Variants in CRIM1 observed in about 807,000 individuals in gnomAD.
CRIM1 encodes the protein cysteine rich transmembrane BMP regulator 1, also known as cysteine-rich motor neuron 1 protein.
CRIM1 carries 32 observed loss-of-function variants against 116.4 expected under a neutral mutation model. That is an observed-to-expected ratio of 0.27 (90% CI 0.21 to 0.37). The LOEUF is 0.37. CRIM1 is among the 10% of genes least tolerant of loss of function. CRIM1 has a pLI of 1.00. For synonymous variants in CRIM1, 590 were observed against 509.2 expected, an observed-to-expected ratio of 1.16 and a Z score of -2.13; for missense variants, 1,331 against 1,354.8, an observed-to-expected ratio of 0.98 and a Z score of 0.28.
chr2:36,480,695 C>A (rs1679342873), intron 7 of CRIM1, among the ~76,000 whole-genome samples: 1 of 152,100 alleles, frequency 6.6e-6, no homozygotes, highest in South Asian at 2.1e-4. Context: ...TATTAAAGAC[C>A]TTAAAAATCA....
chr2:36,440,050 A>G (rs60388211), intron 2 of CRIM1, among the ~76,000 whole-genome samples: 1,933 of 152,298 alleles, frequency 0.013, 41 homozygotes, highest in African/African-American at 0.045. Flanking sequence ...AGATACAGCA[A>G]TCAAGGTAGA....
chr2:36,544,449 TC>T lies in CRIM1; in HGVS notation c.2701del (p.Leu901CysfsTer22). The T allele has an allele frequency of 7.0e-7, 1 of 1,424,618 alleles. No individual in the cohort carries two copies. The highest frequency in any genetic ancestry group is 9.2e-7 in the Non-Finnish European group (1 of 1,082,104). 88.2% of individuals were successfully genotyped at this position (1,424,618 alleles called of 1,614,324 possible). Reference sequence around the variant, plus strand: ...ATCGAGGAGAGGTTGACCTGGAGGTTCCCCTGTGGCCCACGCCTAGTGAAAA... The same window carrying T: ...ATCGAGGAGAGGTTGACCTGGAGGTTCCCTGTGGCCCACGCCTAGTGAAAA... ...NHRGEVDLEV[P>X]LWPTPSENDI... is the part of the protein sequence containing the mutation. On this transcript the variant is annotated frameshift_variant, in exon 15 of 17. Coordinates refer to ENST00000280527, the MANE Select transcript of CRIM1 (RefSeq NM_016441.3). LOFTEE classifies it high-confidence loss of function.
chr2:36,522,352 T>C, intron 13 of CRIM1, 39 bp downstream of exon 13: 1 of 1,475,596 alleles, frequency 6.8e-7, no homozygotes, highest in Non-Finnish European at 9.5e-7. Context: ...TCTCTACCAG[T>C]TGTCACTAAA....
At chr2:36,498,966 T>C (rs1680794925) in intron 7 of CRIM1, among the ~76,000 whole-genome samples, 1 of 152,150 alleles carries the variant, frequency 6.6e-6, no homozygotes, top group African/African-American at 2.4e-5. Context: ...CAGAGAAGAA[T>C]TGTGTGAAGG....
At position 36,476,941 on chromosome 2, in the gene CRIM1, G is replaced by A. The variant is rs758420612; in HGVS notation, c.1044G>A (p.Met348Ile). Residue 348 changes from methionine (M) to isoleucine (I), a missense_variant, in exon 6 of 17, where the codon ATG (methionine) becomes ATA (isoleucine). Physicochemically the swap from Met to Ile is conservative, Grantham distance 10. Transcript: ENST00000280527. The stretch of plus-strand genomic sequence containing the variant: ...ATGTGGAATATTATGATGGAGACAT[G>A]TTTCGAATGGACAACTGTCGGTTCT... ...FNNVEYYDGDMFRMDNCRFCR... is the reference protein window; with the variant it reads ...FNNVEYYDGDIFRMDNCRFCR... 3.7e-6 allele frequency: 6 copies of A among 1,614,128 alleles called. No homozygotes were observed. Among genetic ancestry groups the A allele is most frequent in the Non-Finnish European group, 5.1e-6 (6 of 1,179,966 alleles).
At chr2:36,491,200 C>G (rs7599443) in intron 7 of CRIM1, among the ~76,000 whole-genome samples, 66 of 152,200 alleles carry the variant, frequency 4.3e-4, no homozygotes, top group African/African-American at 1.3e-3. Flanking sequence ...TATAGGAGGC[C>G]TTCTATAATG....
chr2:36,515,991 A>G (rs1287686410), intron 11 of CRIM1, among the ~76,000 whole-genome samples: 1 of 152,206 alleles, frequency 6.6e-6, no homozygotes, highest in Non-Finnish European at 1.5e-5. Context: ...TCTTGTTCTT[A>G]TACTGGAAAG....
intron 1 of CRIM1, among the ~76,000 whole-genome samples, chr2:36,370,317 C>A (rs909271291): frequency 3.3e-5 from 5 of 151,762 alleles, no homozygotes; most frequent in Non-Finnish European, 7.4e-5. Flanking sequence ...AATGGAAGAC[C>A]TCTGTAGGTA....
At chr2:36,433,535 G>A (rs1675063054) in intron 2 of CRIM1, among the ~76,000 whole-genome samples, 2 of 152,148 alleles carry the variant, frequency 1.3e-5, no homozygotes, top group African/African-American at 4.8e-5. Context: ...AAGATTCTCT[G>A]TTTGCTTGGA....
intron 13 of CRIM1, among the ~76,000 whole-genome samples, chr2:36,531,283 C>T (rs1666097984): frequency 6.6e-6 from 1 of 152,166 alleles, no homozygotes. Flanking sequence ...AAGTTGCCTC[C>T]TAGGCAGAAA....
intron 1 of CRIM1, among the ~76,000 whole-genome samples, chr2:36,386,963 T>TA (rs1671214006): frequency 1.3e-5 from 2 of 152,188 alleles, no homozygotes. Flanking sequence ...CACTAAGTCT[T>TA]ACTGGAGGAA....
At chr2:36,365,805 C>G (rs1414599393) in intron 1 of CRIM1, among the ~76,000 whole-genome samples, 6 of 150,510 alleles carry the variant, frequency 4.0e-5, no homozygotes, top group Non-Finnish European at 8.8e-5. Flanking sequence ...ATGATCTCAG[C>G]TCACTGCAAC....
chr2:36,416,545 T>C (rs1673637557), intron 2 of CRIM1, among the ~76,000 whole-genome samples: 2 of 152,356 alleles, frequency 1.3e-5, no homozygotes, highest in East Asian at 3.9e-4. Flanking sequence ...AACACTGCGT[T>C]TGTCTTCTGA....
At chr2:36,498,522 A>T (rs184474046) in intron 7 of CRIM1, among the ~76,000 whole-genome samples, 192 of 152,302 alleles carry the variant, frequency 1.3e-3, no homozygotes, top group African/African-American at 4.4e-3. Context: ...ACCCAAAGCA[A>T]TTCTTCATTA....
At chr2:36,438,191 A>C (rs1675478804) in intron 2 of CRIM1, among the ~76,000 whole-genome samples, 3 of 152,012 alleles carry the variant, frequency 2.0e-5, no homozygotes, top group Admixed American at 2.0e-4. Context: ...GTTGGGTTTT[A>C]ATGGAGATGT....
At chr2:36,547,246 A>G (rs1414947564) in intron 16 of CRIM1, 75 bp downstream of exon 16, 1 of 1,240,516 alleles carries the variant, frequency 8.1e-7, no homozygotes, top group Admixed American at 1.9e-5. Context: ...ATTGCTTGAA[A>G]CCTTGTGTCT....
intron 7 of CRIM1, among the ~76,000 whole-genome samples, chr2:36,490,134 C>T (rs141761676): frequency 3.9e-5 from 6 of 152,244 alleles, no homozygotes; most frequent in Admixed American, 3.9e-4. Flanking sequence ...TATTTATCAG[C>T]TGTGCATTTG....
chr2:36,380,390 G>A (rs1373812954), intron 1 of CRIM1, among the ~76,000 whole-genome samples: 1 of 152,140 alleles, frequency 6.6e-6, no homozygotes. Flanking sequence ...TCTGGATGGG[G>A]CCACAGTTGT....
chr2:36,547,981 G>A (rs1244017973), intron 16 of CRIM1, among the ~76,000 whole-genome samples: 2 of 152,076 alleles, frequency 1.3e-5, no homozygotes, highest in African/African-American at 2.4e-5. Flanking sequence ...TCTGTCCTGC[G>A]GTTATCCTGC....
Sources: gnomAD v4.1 joint callset for allele counts (sites outside exome capture counted in the v4.1 genomes callset) on GRCh38, gnomAD v4.1.1 for gene constraint, MANE v1.5 for transcripts, NCBI Gene and HGNC (gene_info 2026-07-23, HGNC 2026-07-21) for gene names.